Variants in NPTXR observed in about 807,000 individuals in gnomAD.
NPTXR encodes the protein neuronal pentraxin receptor.
In NPTXR, 12 loss-of-function variants were observed where a neutral mutation model predicts 32.2. The observed-to-expected ratio is 0.37, with a 90% CI of 0.24 to 0.60. The LOEUF is 0.60. NPTXR is among the 20% of genes least tolerant of loss of function. NPTXR has a pLI of 0.66. For missense variants in NPTXR, 612 were observed against 682.9 expected (o/e 0.90, Z 1.16); for synonymous variants, 323 against 315.8 (o/e 1.02, Z -0.24).
chr22:38,822,744 G>A lies in NPTXR; in HGVS notation c.1368C>T (p.Ala456=). The change falls in exon 5 of 5, where the codon GCC becomes GCT. Residue 456 remains alanine, a synonymous_variant. Transcript: ENST00000333039. The stretch of plus-strand genomic sequence containing the variant: ...TGCAGTTGGCAATGCCCAGGACCTG[G>A]GCTGGTGTCAGGGCGTGGTCCCACA... The A allele has an allele frequency of 6.2e-7, 1 of 1,614,178 alleles. No homozygotes were observed. Among genetic ancestry groups the A allele is most frequent in the Non-Finnish European group, 8.5e-7 (1 of 1,180,018 alleles).
intron 3 of NPTXR, among the ~76,000 whole-genome samples, chr22:38,824,990 C>G (rs892842197): frequency 6.6e-6 from 1 of 152,158 alleles, no homozygotes; most frequent in African/African-American, 2.4e-5. Context: ...CAGGTGGGTA[C>G]GATATGTGGT....
At chr22:38,828,056 A>G (rs1411023039) in intron 2 of NPTXR, among the ~76,000 whole-genome samples, 1 of 152,206 alleles carries the variant, frequency 6.6e-6, no homozygotes, top group Non-Finnish European at 1.5e-5. Context: ...CTGATGTATC[A>G]AGTACTTAGC....
chr22:38,833,643 T>C (rs2093119661), intron 1 of NPTXR, among the ~76,000 whole-genome samples: 1 of 150,956 alleles, frequency 6.6e-6, no homozygotes, highest in African/African-American at 2.4e-5. Flanking sequence ...ACTATTAATG[T>C]CGTGACTAAC....
At chr22:38,829,597 C>T (rs1282560275) in intron 1 of NPTXR, among the ~76,000 whole-genome samples, 2 of 152,204 alleles carry the variant, frequency 1.3e-5, no homozygotes, top group Non-Finnish European at 2.9e-5. Flanking sequence ...CCCCCTCCTC[C>T]ATGGTCCCCG....
chr22:38,835,933 C>G (rs781608434), intron 1 of NPTXR, among the ~76,000 whole-genome samples: 1 of 152,186 alleles, frequency 6.6e-6, no homozygotes, highest in Non-Finnish European at 1.5e-5. Context: ...GAGACGCCCC[C>G]CCGCCGCCCC....
intron 1 of NPTXR, 79 bp from the exon 2 acceptor site, chr22:38,828,591 T>A: frequency 8.3e-7 from 1 of 1,206,478 alleles, no homozygotes; most frequent in Non-Finnish European, 1.2e-6. Context: ...CTACCGCCCC[T>A]GCTCAGTGAC....
Position 38,828,529 on chromosome 22 carries a change from G to A in NPTXR, c.625-17C>T. On this transcript the variant is annotated splice_polypyrimidine_tract_variant and intron_variant, in intron 1 of 4. Coordinates refer to ENST00000333039, the MANE Select transcript of NPTXR (RefSeq NM_014293.4). ...AAGCTCCTGCTGTTCACAGGGCAGA[G>A]AAACAGAAATCAACTGAGGGGAGGA... 6.4e-7 allele frequency: 1 copy of A among 1,559,064 alleles called. No individual in the cohort carries two copies. Among genetic ancestry groups the A allele is most frequent in the African/African-American group, 1.4e-5 (1 of 74,000 alleles).
rs577504738 is a variant in NPTXR, at chr22:38,827,679, C to T, written c.850+608G>A. Among the ~76,000 whole-genome samples, 4 of 152,318 alleles carry T rather than the reference C, an allele frequency of 2.6e-5. No individual in the cohort carries two copies. In the South Asian group the frequency reaches 8.3e-4, roughly 32 times the overall value. On this transcript the variant is annotated intron_variant, in intron 2 of 4. Coordinates refer to ENST00000333039, the MANE Select transcript of NPTXR (RefSeq NM_014293.4). ...TTGAAAGCTGAAAGGTCTTTGAGAG[C>T]TCATGAGTCCTAAACCCCTATTTCT...
rs1477372174 is a variant in NPTXR, at chr22:38,834,604, C to CCATCCAT, written c.625-6099_625-6093dup. On this transcript the variant is annotated intron_variant, in intron 1 of 4. Coordinates refer to ENST00000333039, the MANE Select transcript of NPTXR (RefSeq NM_014293.4). This position sits in a 1 kb window ranked among gnomAD's most constrained non-coding sequence, Gnocchi z 4.4. Reference sequence around the variant, plus strand: ...ATCCATCCATCCATCCATCCATCATCCATCCATCCATCCATCCATCCATCC... The same window carrying CCATCCAT: ...ATCCATCCATCCATCCATCCATCATCCATCCATCATCCATCCATCCATCCATCCATCC... Among the ~76,000 whole-genome samples, 1 of 140,478 alleles carries CCATCCAT rather than the reference C, an allele frequency of 7.1e-6. No individual in the cohort carries two copies. The highest frequency in any genetic ancestry group is 3.1e-5 in the African/African-American group (1 of 32,412). The allele number at this position is 140,478 out of a possible 152,430, so 92.2% of individuals were successfully genotyped here. A position where few individuals can be genotyped will look rare whatever the true frequency, so the allele number is the denominator to read the frequency against.
At chr22:38,826,805 G>A in intron 2 of NPTXR, 58 bp from the exon 3 acceptor site, 1 of 1,570,002 alleles carries the variant, frequency 6.4e-7, no homozygotes, top group Non-Finnish European at 8.7e-7. Context: ...AGGGTGGGGT[G>A]GACAGGGCAC....
At chr22:38,823,293 AG>A in intron 3 of NPTXR, 31 bp from the exon 4 acceptor site, 1 of 1,598,654 alleles carries the variant, frequency 6.3e-7, no homozygotes, top group Non-Finnish European at 8.5e-7. Context: ...CCCAGGTCAG[AG>A]GTGCCCCAAG....
At position 38,827,567 on chromosome 22, in the gene NPTXR, T is replaced by A. The variant is rs2235137; in HGVS notation, c.850+720A>T. ...TCTTCTCCTGAACCCCTGTTCCCCA[T>A]GTAAGCTGGTCCCAGCTAACTGCTC... On this transcript the variant is annotated intron_variant, in intron 2 of 4. Transcript: ENST00000333039. Among the ~76,000 whole-genome samples, 241 of 152,080 alleles carry A rather than the reference T, an allele frequency of 1.6e-3. 1 individual carries two copies. The highest frequency in any genetic ancestry group is 3.1e-3 in the Non-Finnish European group (208 of 67,982).
chr22:38,829,050 G>A (rs1028000157), intron 1 of NPTXR, among the ~76,000 whole-genome samples: 2 of 152,238 alleles, frequency 1.3e-5, no homozygotes, highest in Admixed American at 6.5e-5. Context: ...CAGGGTGACA[G>A]GTGGTTGAAA....
At chr22:38,836,152 C>T (rs949607876) in intron 1 of NPTXR, among the ~76,000 whole-genome samples, 11 of 152,122 alleles carry the variant, frequency 7.2e-5, no homozygotes, top group African/African-American at 1.7e-4. Context: ...CCGAGTTTGG[C>T]GAGGTTTACA....
chr22:38,838,911 G>A lies in NPTXR; in HGVS notation c.624+4324C>T, dbSNP rs111902335. On this transcript the variant is annotated intron_variant, in intron 1 of 4. Coordinates refer to ENST00000333039, the MANE Select transcript of NPTXR (RefSeq NM_014293.4). The stretch of plus-strand genomic sequence containing the variant: ...GTCTTTTCCATGCTCCCAAAGGTGG[G>A]TGACGTCTGACCCCTCCAGATGGGT... Among the ~76,000 whole-genome samples the A allele has an allele frequency of 3.5e-3, 540 of 152,190 alleles. 4 individuals are homozygous for A. The highest frequency in any genetic ancestry group is 0.012 in the African/African-American group (519 of 41,530).
chr22:38,823,336 G>T, intron 3 of NPTXR, 74 bp from the exon 4 acceptor site: 1 of 1,404,552 alleles, frequency 7.1e-7, no homozygotes, highest in Non-Finnish European at 9.8e-7. Context: ...CAGTGGGGTG[G>T]GGCTGGGGAG....
rs1261475281 is a variant in NPTXR at position 38,843,655 on chromosome 22, T to A, written c.204A>T (p.Ser68=). Residue 68 remains serine, a synonymous_variant, in exon 1 of 5, where the codon TCA becomes TCT. Transcript: ENST00000333039. The surrounding 1 kb of genome is among the most constrained non-coding windows in gnomAD (Gnocchi z 5.3). ...CCCCGGGCAGCGCGGGGGGCCCGGC[T>A]GAACCGCCCGCGCCGTGCAGCGCGC... 8.6e-6 allele frequency: 9 copies of A among 1,040,986 alleles called. No individual in the cohort carries two copies. Among genetic ancestry groups the A allele is most frequent in the African/African-American group, 1.7e-5 (1 of 57,256 alleles). 64.5% of individuals were successfully genotyped at this position (1,040,986 alleles called of 1,614,324 possible). A position where few individuals can be genotyped will look rare whatever the true frequency, so the allele number is the denominator to read the frequency against.
intron 1 of NPTXR, among the ~76,000 whole-genome samples, chr22:38,836,731 CTGTT>C (rs113295701): frequency 0.034 from 5,151 of 152,294 alleles, 116 homozygotes; most frequent in East Asian, 0.078. Context: ...CGATTTGTGT[CTGTT>C]TAAGTGAGAT....
Position 38,826,676 on chromosome 22 carries a change from G to C in NPTXR, c.922C>G (p.Arg308Gly), listed in dbSNP as rs140101072. The change falls in exon 3 of 5, where the codon CGC (arginine) becomes GGC (glycine). Residue 308 changes from arginine (R) to glycine (G), a missense_variant. By Grantham distance (125) the Arg-to-Gly change is moderately radical (BLOSUM62 -2). Coordinates refer to ENST00000333039, the MANE Select transcript of NPTXR (RefSeq NM_014293.4). Reference sequence around the variant, plus strand: ...AGCTCGGGCAGAGCCTTCCGCACGCGGGCGTACATGTAGTTGTTACGGATG... The same window carrying C: ...AGCTCGGGCAGAGCCTTCCGCACGCCGGCGTACATGTAGTTGTTACGGATG... 1.9e-6 allele frequency: 3 copies of C among 1,614,094 alleles called. No individual in the cohort carries two copies. The highest frequency in any genetic ancestry group is 2.7e-5 in the African/African-American group (2 of 74,984).
Sources: gnomAD v4.1 joint callset for allele counts (sites outside exome capture counted in the v4.1 genomes callset) on GRCh38, gnomAD v4.1.1 for gene constraint, Gnocchi (gnomAD v3.1) non-coding constraint, MANE v1.5 for transcripts, NCBI Gene and HGNC (gene_info 2026-07-23, HGNC 2026-07-21) for gene names.